UGT1A8: variants seen among roughly 807,000 people sequenced by gnomAD.
UGT1A8 encodes UDP glucuronosyltransferase family 1 member A8.
Under a neutral mutation model 45.3 loss-of-function variants are expected in UGT1A8, and 39 were observed. The ratio of observed to expected loss-of-function variants is 0.86; its 90% CI spans 0.67 to 1.12. The LOEUF (loss-of-function observed/expected upper bound fraction) is 1.12. Ranked by LOEUF, UGT1A8 falls within the 50% of genes most tolerant of loss-of-function variation. The pLI is 0.00. For missense variants in UGT1A8, 719 were observed against 664.9 expected (o/e 1.08, Z -0.90); for synonymous variants, 275 against 249.2 (o/e 1.10, Z -0.97).
intron 1 of UGT1A8, among the ~76,000 whole-genome samples, chr2:233,759,835 C>T (rs1697265176): frequency 6.6e-6 from 1 of 152,172 alleles, no homozygotes; most frequent in African/African-American, 2.4e-5. Flanking sequence ...GTGGAGTGGG[C>T]ACTCTTACAG....
chr2:233,731,428 C>G (rs2078158900), intron 1 of UGT1A8, among the ~76,000 whole-genome samples: 1 of 152,060 alleles, frequency 6.6e-6, no homozygotes, highest in South Asian at 2.1e-4. Context: ...AATGCCATCC[C>G]TCCCCCAGTC....
chr2:233,714,065 G>C (rs1559360185), intron 1 of UGT1A8, among the ~76,000 whole-genome samples: 1 of 152,156 alleles, frequency 6.6e-6, no homozygotes, highest in Non-Finnish European at 1.5e-5. Context: ...AGAGGAAGGA[G>C]AGGCAGGGAC....
chr2:233,680,465 C>T (rs1200139949), intron 1 of UGT1A8, among the ~76,000 whole-genome samples: 1 of 152,090 alleles, frequency 6.6e-6, no homozygotes, highest in Non-Finnish European at 1.5e-5. Flanking sequence ...ATGTCTAGTA[C>T]CAGTTAGGGT....
chr2:233,738,751 A>G (rs1205771191), intron 1 of UGT1A8, among the ~76,000 whole-genome samples: 1 of 152,150 alleles, frequency 6.6e-6, no homozygotes, highest in Non-Finnish European at 1.5e-5. Context: ...ATGTGGTAGA[A>G]AAGAAAAACC....
chr2:233,636,457 C>A, intron 1 of UGT1A8: 4 of 1,544,680 alleles, frequency 2.6e-6, no homozygotes, highest in Non-Finnish European at 3.5e-6. Flanking sequence ...TGTGCCTGTA[C>A]TTCTTCCGCC....
At chr2:233,712,915 G>C in intron 1 of UGT1A8, 1 of 1,611,388 alleles carries the variant, frequency 6.2e-7, no homozygotes, top group Non-Finnish European at 8.5e-7. Flanking sequence ...TCAGTGACAA[G>C]GTAATTAAGA....
chr2:233,652,789 C>G (rs539212123), intron 1 of UGT1A8, among the ~76,000 whole-genome samples: 3 of 152,096 alleles, frequency 2.0e-5, no homozygotes, highest in Non-Finnish European at 4.4e-5. Context: ...TGAAGATGCA[C>G]CCTTATATGC....
intron 1 of UGT1A8, among the ~76,000 whole-genome samples, chr2:233,748,613 G>C (rs1489441058): frequency 6.6e-6 from 1 of 151,820 alleles, no homozygotes; most frequent in South Asian, 2.1e-4. Flanking sequence ...AGCAACGAAC[G>C]TGGGATATAT....
At chr2:233,744,122 C>T in intron 1 of UGT1A8, 1 of 368,854 alleles carries the variant, frequency 2.7e-6, no homozygotes, top group Non-Finnish European at 5.1e-6. Flanking sequence ...CTCTGTGAGG[C>T]TCTGTGAGGC....
chr2:233,690,724 A>G (rs982739962), intron 1 of UGT1A8: 1 of 1,213,628 alleles, frequency 8.2e-7, no homozygotes, highest in Non-Finnish European at 1.0e-6. Context: ...ACGAACAGAC[A>G]TGCCAGATTC....
chr2:233,680,519 T>C (rs1275764705), intron 1 of UGT1A8, among the ~76,000 whole-genome samples: 1 of 152,186 alleles, frequency 6.6e-6, no homozygotes, highest in East Asian at 1.9e-4. Context: ...AATTATGCCC[T>C]GAGGTTGGCT....
At chr2:233,627,413 CT>C (rs1408094279) in intron 1 of UGT1A8, among the ~76,000 whole-genome samples, 3 of 152,042 alleles carry the variant, frequency 2.0e-5, no homozygotes, top group African/African-American at 7.2e-5. Flanking sequence ...CTTCACCTCT[CT>C]TTTGCTTTAA....
In UGT1A8 at chr2:233,767,872, C is replaced by A. The variant is rs997427896; in HGVS notation, c.1011C>A (p.Thr337=). The A allele has an allele frequency of 6.2e-7, 1 of 1,614,024 alleles. No individual in the cohort carries two copies. The highest frequency in any genetic ancestry group is 8.5e-7 in the Non-Finnish European group (1 of 1,180,044). The change falls in exon 3 of 5, where the codon ACC becomes ACA. Residue 337 remains threonine (T), a synonymous_variant. Coordinates refer to ENST00000373450, the MANE Select transcript of UGT1A8 (RefSeq NM_019076.5). ...PQTVLWRYTG[T]RPSNLANNTI... is the part of the protein sequence containing the mutation. Reference sequence around the variant, plus strand: ...AGGTCCTGTGGCGGTACACTGGAACCCGACCATCGAATCTTGCGAACAACA... The same window carrying A: ...AGGTCCTGTGGCGGTACACTGGAACACGACCATCGAATCTTGCGAACAACA...
intron 1 of UGT1A8, chr2:233,690,690 T>A (rs959108318): frequency 1.6e-6 from 2 of 1,249,564 alleles, no homozygotes; most frequent in African/African-American, 3.1e-5. Flanking sequence ...CCAGCGGAGC[T>A]ACTCTTTAGG....
intron 1 of UGT1A8, among the ~76,000 whole-genome samples, chr2:233,678,196 A>G (rs928977464): frequency 1.3e-5 from 2 of 152,198 alleles, no homozygotes; most frequent in Non-Finnish European, 2.9e-5. Context: ...AAGAGTTGAA[A>G]AACTATTGGG....
At chr2:233,761,193 A>G (rs764178788) in intron 1 of UGT1A8, 2 of 1,614,148 alleles carry the variant, frequency 1.2e-6, no homozygotes, top group Non-Finnish European at 8.5e-7. Context: ...ATATTCTTTC[A>G]GATGTATTAC....
intron 1 of UGT1A8, among the ~76,000 whole-genome samples, chr2:233,737,056 C>T (rs372490869): frequency 3.3e-5 from 5 of 152,206 alleles, no homozygotes; most frequent in South Asian, 2.1e-4. Context: ...ACTAGGAGAA[C>T]GAGTGCTCTC....
At chr2:233,701,202 C>T (rs954560608) in intron 1 of UGT1A8, among the ~76,000 whole-genome samples, 3 of 152,090 alleles carry the variant, frequency 2.0e-5, no homozygotes, top group African/African-American at 7.2e-5. Context: ...GTCTTTATAG[C>T]AGCATTATTT....
In UGT1A8 at chr2:233,715,887, A is replaced by G. The variant is rs537598315; in HGVS notation, c.856-51147A>G. Among the ~76,000 whole-genome samples the G allele has an allele frequency of 2.0e-5, 3 of 152,316 alleles. No homozygotes were observed. In the East Asian group the frequency reaches 5.8e-4, roughly 29 times the overall value. ...GTAGCTTGTGCCTGTGGCCCCAGCT[A>G]CTTGGGAGGCTCAGGTGGGAGGATC... On this transcript the variant is annotated intron_variant, in intron 1 of 4. Coordinates refer to ENST00000373450, the MANE Select transcript of UGT1A8 (RefSeq NM_019076.5).
Sources: gnomAD v4.1 joint callset for allele counts (sites outside exome capture counted in the v4.1 genomes callset) on GRCh38, gnomAD v4.1.1 for gene constraint, MANE v1.5 for transcripts, NCBI Gene and HGNC (gene_info 2026-07-23, HGNC 2026-07-21) for gene names.